SLC17A1: variants seen among roughly 807,000 people sequenced by gnomAD.
SLC17A1 encodes the protein sodium-dependent phosphate transport protein 1.
SLC17A1 carries 51 observed loss-of-function variants against 53.5 expected under a neutral mutation model. The ratio of observed to expected loss-of-function variants is 0.95; its 90% CI spans 0.76 to 1.20. The LOEUF (loss-of-function observed/expected upper bound fraction) is 1.20. SLC17A1 is among the 50% of genes most tolerant of loss of function. SLC17A1 has a pLI of 0.00. For missense variants in SLC17A1, 538 were observed against 568.2 expected, an observed-to-expected ratio of 0.95 and a Z score of 0.54; for synonymous variants, 179 against 198.8, an observed-to-expected ratio of 0.90 and a Z score of 0.84.
chr6:25,798,458 A>T (rs1435685719), intron 12 of SLC17A1: 8 of 207,846 alleles, frequency 3.8e-5, no homozygotes, highest in Non-Finnish European at 5.7e-5. Context: ...CTTGCTCCCA[A>T]CCTTTTTCAC....
the SLC17A1 span, among the ~76,000 whole-genome samples, chr6:25,760,474 A>C: frequency 1.3e-5 from 2 of 152,120 alleles, no homozygotes; most frequent in Non-Finnish European, 2.9e-5. Context: ...CTCTAGCTTG[A>C]GACTCATTTT....
chr6:25,770,260 C>A, the SLC17A1 span: 1 of 1,614,118 alleles, frequency 6.2e-7, no homozygotes, highest in Non-Finnish European at 8.5e-7. Flanking sequence ...GCGGGAGTGG[C>A]CTTGCTCATT....
rs757964114 is a variant in SLC17A1 at position 25,819,109 on chromosome 6, A to G, written c.575T>C (p.Ile192Thr). The G allele has an allele frequency of 2.5e-6, 4 of 1,611,158 alleles. No homozygotes were observed. The highest frequency in any genetic ancestry group is 4.5e-5 in the East Asian group (2 of 44,728). The part of the protein sequence containing the change: ...PFIVLLVTGV[I>T]CESLGWPMVF... Reference sequence around the variant, plus strand: ...CATGGGCCAGCCCAGAGATTCACAGATAACTCCAGTCACAAGTAGGACAAT... The same window carrying G: ...CATGGGCCAGCCCAGAGATTCACAGGTAACTCCAGTCACAAGTAGGACAAT... The change falls in exon 6 of 13, where the codon ATC becomes ACC. Residue 192 changes from isoleucine to threonine, a missense_variant. Physicochemically the swap from Ile to Thr is moderately conservative, Grantham distance 89. Transcript: ENST00000244527.
chr6:25,822,577 G>T (rs1254186335), intron 3 of SLC17A1, among the ~76,000 whole-genome samples: 30 of 152,090 alleles, frequency 2.0e-4, no homozygotes. Flanking sequence ...GATGGCAAAA[G>T]GTTTCATGGG....
downstream of SLC17A1, among the ~76,000 whole-genome samples, chr6:25,781,475 G>C (rs141873589): frequency 9.9e-5 from 15 of 150,822 alleles, no homozygotes; most frequent in South Asian, 1.7e-3. Context: ...GTATGAAAGG[G>C]TGGTGTCTTT....
chr6:25,726,408 A>G, the SLC17A1 span: 3 of 1,613,968 alleles, frequency 1.9e-6, no homozygotes, highest in East Asian at 2.2e-5. Context: ...TCCGCTCTGC[A>G]TAGTTTCCCT....
the SLC17A1 span, chr6:25,777,750 G>T: frequency 1.2e-5 from 7 of 582,492 alleles, no homozygotes; most frequent in African/African-American, 1.1e-4. Context: ...TTTCATTCAG[G>T]TTTCACCAAG....
the SLC17A1 span, chr6:25,732,713 G>C: frequency 7.5e-7 from 1 of 1,324,802 alleles, no homozygotes; most frequent in Non-Finnish European, 1.1e-6. Context: ...CAAGGAGCTC[G>C]ACAAGCTGCT....
chr6:25,803,216 C>T (rs572391518), intron 10 of SLC17A1, among the ~76,000 whole-genome samples: 10 of 152,014 alleles, frequency 6.6e-5, no homozygotes, highest in Admixed American at 2.6e-4. Flanking sequence ...GGATTACAGG[C>T]GTGAGCCACC....
intron 10 of SLC17A1, among the ~76,000 whole-genome samples, chr6:25,802,890 C>T (rs1393814822): frequency 1.4e-5 from 2 of 142,850 alleles, no homozygotes; most frequent in East Asian, 2.0e-4. Flanking sequence ...TGTATTTATC[C>T]TATTATTTAT....
chr6:25,819,843 T>C lies in SLC17A1; in HGVS notation c.280A>G (p.Ile94Val). ...LSSTSYGVII[I>V]QVPVGYFSGI... Reference sequence around the variant, plus strand: ...GAGAAGTATCCAACAGGAACTTGGATGATGATGACACCATAGGAGGTGGAA... The same window carrying C: ...GAGAAGTATCCAACAGGAACTTGGACGATGATGACACCATAGGAGGTGGAA... Residue 94 changes from isoleucine (I) to valine (V), a missense_variant, in exon 4 of 13, where the codon ATC (isoleucine) becomes GTC (valine). Transcript: ENST00000244527. 2 of 1,614,094 alleles carry C rather than the reference T, an allele frequency of 1.2e-6. No individual in the cohort carries two copies. The highest frequency in any genetic ancestry group is 1.7e-6 in the Non-Finnish European group (2 of 1,179,972).
At chr6:25,786,680 G>A in intron 12 of SLC17A1, among the ~76,000 whole-genome samples, 1 of 152,226 alleles carries the variant, frequency 6.6e-6, no homozygotes, top group East Asian at 1.9e-4. Context: ...AACACCTACT[G>A]GCCCAGGGAG....
intron 12 of SLC17A1, among the ~76,000 whole-genome samples, chr6:25,794,460 C>G (rs1040752184): frequency 3.9e-5 from 6 of 152,022 alleles, no homozygotes; most frequent in African/African-American, 1.2e-4. Context: ...ATTGAGAAGC[C>G]CCACTGTAAA....
At chr6:25,752,037 G>T in the SLC17A1 span, among the ~76,000 whole-genome samples, 1 of 152,196 alleles carries the variant, frequency 6.6e-6, no homozygotes, top group Non-Finnish European at 1.5e-5. Flanking sequence ...AATTAATAAT[G>T]CTGGCCACAG....
intron 6 of SLC17A1, among the ~76,000 whole-genome samples, chr6:25,818,035 C>T (rs531880079): frequency 9.9e-5 from 15 of 152,088 alleles, no homozygotes; most frequent in Non-Finnish European, 1.2e-4. Context: ...TCTGTTTGTC[C>T]CCCTAGATGT....
At chr6:25,774,411 G>A in the SLC17A1 span, among the ~76,000 whole-genome samples, 4 of 152,256 alleles carry the variant, frequency 2.6e-5, no homozygotes, top group South Asian at 2.1e-4. Flanking sequence ...AAGCCTTCTC[G>A]TATTGATTGG....
intron 12 of SLC17A1, among the ~76,000 whole-genome samples, chr6:25,792,030 A>G (rs1410226635): frequency 6.6e-6 from 1 of 152,246 alleles, no homozygotes; most frequent in Admixed American, 6.5e-5. Context: ...CAATTCTTCA[A>G]GATGGATCCC....
At chr6:25,779,263 C>T, downstream of SLC17A1, 4 of 1,574,030 alleles carry the variant, frequency 2.5e-6, no homozygotes, top group Non-Finnish European at 2.6e-6. Context: ...CTCTTTCATG[C>T]CTGCTTGACT....
At chr6:25,803,988 C>T (rs139959728) in intron 10 of SLC17A1, among the ~76,000 whole-genome samples, 223 of 152,232 alleles carry the variant, frequency 1.5e-3, no homozygotes, top group African/African-American at 5.2e-3. Context: ...CTGTCTAACT[C>T]TAGAATCTGT....
Sources: gnomAD v4.1 joint callset for allele counts (sites outside exome capture counted in the v4.1 genomes callset) on GRCh38, gnomAD v4.1.1 for gene constraint, MANE v1.5 for transcripts, NCBI Gene and HGNC (gene_info 2026-07-23, HGNC 2026-07-21) for gene names.